The following TENM4 variants were observed in gnomAD, a reference collection of about 807,000 sequenced individuals.
TENM4 encodes teneurin transmembrane protein 4, also known as teneurin-4.
TENM4 carries 82 observed loss-of-function variants against 243.3 expected under a neutral mutation model. The observed-to-expected ratio is 0.34, with a 90% CI of 0.28 to 0.40. TENM4 has a LOEUF of 0.40. Ranked by LOEUF, TENM4 falls within the 10% of genes least tolerant of loss-of-function variation. TENM4 has a pLI of 1.00. For synonymous variants in TENM4, 1,412 were observed against 1,456.3 expected (o/e 0.97, Z 0.69); for missense variants, 3,138 against 3,673.3 (o/e 0.85, Z 3.77).
At chr11:79,172,486 C>T (rs953720617) in intron 3 of TENM4, among the ~76,000 whole-genome samples, 1 of 152,044 alleles carries the variant, frequency 6.6e-6, no homozygotes, top group Admixed American at 6.6e-5. Flanking sequence ...CTTTGCTTTC[C>T]CTCACAGACC....
chr11:79,057,806 G>A (rs1325336670), intron 6 of TENM4, among the ~76,000 whole-genome samples: 4 of 152,060 alleles, frequency 2.6e-5, no homozygotes, highest in Non-Finnish European at 5.9e-5. Context: ...CCTATTCCCA[G>A]TTGCACGCGC....
chr11:79,306,400 G>C (rs959169753), intron 1 of TENM4, among the ~76,000 whole-genome samples: 1 of 152,128 alleles, frequency 6.6e-6, no homozygotes, highest in Non-Finnish European at 1.5e-5. Context: ...GACTAAGAAG[G>C]CCCTTGATAG....
At chr11:79,046,646 C>T (rs960649394) in intron 6 of TENM4, among the ~76,000 whole-genome samples, 10 of 152,074 alleles carry the variant, frequency 6.6e-5, no homozygotes, top group African/African-American at 2.2e-4. Context: ...AGAATGAAAC[C>T]GTGTCACAAT....
intron 1 of TENM4, among the ~76,000 whole-genome samples, chr11:79,421,240 CATAA>C (rs1858924707): frequency 6.6e-6 from 1 of 152,054 alleles, no homozygotes; most frequent in African/African-American, 2.4e-5. Flanking sequence ...TATATGTTTT[CATAA>C]ATAAAGTCAC....
At chr11:78,803,268 A>G (rs1017736875) in intron 15 of TENM4, among the ~76,000 whole-genome samples, 2 of 152,078 alleles carry the variant, frequency 1.3e-5, no homozygotes, top group African/African-American at 4.8e-5. Context: ...TGACATCATG[A>G]TCTACCCACC....
intron 9 of TENM4, among the ~76,000 whole-genome samples, chr11:78,869,984 G>A (rs993752243): frequency 3.3e-5 from 5 of 152,158 alleles, no homozygotes; most frequent in Admixed American, 6.5e-5. Context: ...CCATGTAGAT[G>A]CCAGTAAGCA....
intron 3 of TENM4, among the ~76,000 whole-genome samples, chr11:79,209,676 G>A (rs904255318): frequency 6.6e-6 from 1 of 152,216 alleles, no homozygotes; most frequent in Non-Finnish European, 1.5e-5. Flanking sequence ...GGTCTGGAAA[G>A]AAAGAGCTGA....
chr11:79,264,280 C>G (rs897351261), intron 2 of TENM4, among the ~76,000 whole-genome samples: 3 of 152,102 alleles, frequency 2.0e-5, no homozygotes, highest in Non-Finnish European at 2.9e-5. Context: ...TGTTTTGTCA[C>G]TAGTGGAATT....
intron 19 of TENM4, among the ~76,000 whole-genome samples, chr11:78,753,193 G>T (rs1304566488): frequency 1.3e-5 from 2 of 152,172 alleles, no homozygotes; most frequent in Non-Finnish European, 2.9e-5. Flanking sequence ...TGCTACAAAA[G>T]CCACCATTTA....
At chr11:78,668,302 T>C (rs1294643607) in intron 32 of TENM4, among the ~76,000 whole-genome samples, 2 of 152,178 alleles carry the variant, frequency 1.3e-5, no homozygotes, top group African/African-American at 4.8e-5. Context: ...ATCTTTTTAG[T>C]GGTTTCTCTA....
intron 15 of TENM4, among the ~76,000 whole-genome samples, chr11:78,790,910 G>A (rs145614551): frequency 6.6e-6 from 1 of 152,304 alleles, no homozygotes; most frequent in African/African-American, 2.4e-5. Flanking sequence ...CTTCCCATCT[G>A]GAGACTACTG....
chr11:79,119,903 C>A (rs934870936), intron 4 of TENM4, among the ~76,000 whole-genome samples: 2 of 152,148 alleles, frequency 1.3e-5, no homozygotes, highest in Non-Finnish European at 2.9e-5. Context: ...GCTCAGGTAA[C>A]CAGGCTGTCT....
chr11:78,720,902 G>C (rs1322836528), intron 24 of TENM4, among the ~76,000 whole-genome samples: 1 of 152,154 alleles, frequency 6.6e-6, no homozygotes, highest in African/African-American at 2.4e-5. Context: ...AGGAAAAAAA[G>C]ACTGGAAGAA....
chr11:79,213,818 A>G (rs1488461118), intron 3 of TENM4, among the ~76,000 whole-genome samples: 5 of 152,150 alleles, frequency 3.3e-5, no homozygotes, highest in Non-Finnish European at 7.4e-5. Context: ...TGAAGAGTTC[A>G]GCTTTTATCT....
chr11:78,894,624 C>CCA (rs1298802901), intron 7 of TENM4, among the ~76,000 whole-genome samples: 1 of 152,182 alleles, frequency 6.6e-6, no homozygotes, highest in African/African-American at 2.4e-5. Context: ...GAAAGAGCTT[C>CCA]CACACTCATG....
At chr11:78,693,062 T>C (rs1027439851) in intron 28 of TENM4, among the ~76,000 whole-genome samples, 2 of 152,118 alleles carry the variant, frequency 1.3e-5, no homozygotes, top group African/African-American at 4.8e-5. Context: ...CCCAGAGGAG[T>C]ACCCAGCAGG....
At chr11:78,802,986 A>C (rs1857312074) in intron 15 of TENM4, among the ~76,000 whole-genome samples, 1 of 151,904 alleles carries the variant, frequency 6.6e-6, no homozygotes, top group Non-Finnish European at 1.5e-5. Flanking sequence ...TCATAACAAC[A>C]GCTAACAACT....
intron 1 of TENM4, among the ~76,000 whole-genome samples, chr11:79,391,603 T>TA (rs933830990): frequency 6.6e-6 from 1 of 152,254 alleles, no homozygotes; most frequent in African/African-American, 2.4e-5. Context: ...GGGTTTTTTT[T>TA]ATAACTCATT....
intron 6 of TENM4, among the ~76,000 whole-genome samples, chr11:78,969,746 T>A (rs1418308976): frequency 6.6e-6 from 1 of 152,130 alleles, no homozygotes; most frequent in Non-Finnish European, 1.5e-5. Flanking sequence ...GGGAAGGCAC[T>A]TTTTTCCCTG....
Sources: allele counts gnomAD v4.1 joint callset (sites outside exome capture counted in the v4.1 genomes callset), GRCh38; gene constraint gnomAD v4.1.1; transcripts MANE v1.5; gene names NCBI Gene and HGNC (gene_info 2026-07-23, HGNC 2026-07-21).